The following FCHO2 variants were observed in gnomAD, a reference collection of about 807,000 sequenced individuals.
FCHO2 encodes the protein F-BAR domain only protein 2.
A neutral mutation model predicts 114.1 loss-of-function variants in FCHO2; 43 were observed. The ratio of observed to expected loss-of-function variants is 0.38; its 90% CI spans 0.30 to 0.49. The LOEUF is 0.49. Ranked by LOEUF, FCHO2 falls within the 20% of genes least tolerant of loss-of-function variation. The pLI is 0.97. For synonymous variants in FCHO2, 293 were observed against 315.2 expected, an observed-to-expected ratio of 0.93 and a Z score of 0.75; for missense variants, 807 against 950.4, an observed-to-expected ratio of 0.85 and a Z score of 1.98.
intron 1 of FCHO2, among the ~76,000 whole-genome samples, chr5:72,957,731 T>C (rs1379089083): frequency 6.6e-6 from 1 of 152,246 alleles, no homozygotes; most frequent in East Asian, 1.9e-4. Context: ...ATCGTAGCTC[T>C]ATGTTTAACA....
At chr5:73,026,530 A>T (rs778589412) in intron 8 of FCHO2, among the ~76,000 whole-genome samples, 14 of 152,132 alleles carry the variant, frequency 9.2e-5, no homozygotes, top group Admixed American at 2.0e-4. Context: ...AAATGACACC[A>T]ATTTTATTTT....
intron 11 of FCHO2, among the ~76,000 whole-genome samples, chr5:73,047,226 C>T (rs1192439032): frequency 6.6e-6 from 1 of 152,064 alleles, no homozygotes; most frequent in African/African-American, 2.4e-5. Flanking sequence ...TAAATATATT[C>T]TGGCCCTTTG....
chr5:73,014,429 C>T (rs1308013777), intron 6 of FCHO2, among the ~76,000 whole-genome samples: 1 of 151,588 alleles, frequency 6.6e-6, no homozygotes, highest in Non-Finnish European at 1.5e-5. Context: ...GCTGGGATTA[C>T]AGGCACGCGC....
chr5:73,061,912 T>C (rs1197382101), intron 17 of FCHO2, among the ~76,000 whole-genome samples: 1 of 152,128 alleles, frequency 6.6e-6, no homozygotes, highest in Non-Finnish European at 1.5e-5. Context: ...GTGCTGCTGC[T>C]ATTTCTTCTA....
At chr5:72,970,123 A>G (rs1000808324) in intron 2 of FCHO2, among the ~76,000 whole-genome samples, 3 of 152,160 alleles carry the variant, frequency 2.0e-5, no homozygotes, top group East Asian at 1.9e-4. Context: ...AATATAGTAC[A>G]GATCAGTTGT....
chr5:73,037,306 G>A, intron 10 of FCHO2, 91 bp downstream of exon 10: 1 of 919,516 alleles, frequency 1.1e-6, no homozygotes, highest in Non-Finnish European at 1.5e-6. Flanking sequence ...AAGTATTTTG[G>A]AAATAACTCA....
At chr5:73,011,532 C>CAT (rs1755013196) in intron 6 of FCHO2, among the ~76,000 whole-genome samples, 1 of 152,076 alleles carries the variant, frequency 6.6e-6, no homozygotes. Context: ...CATGTGCCTA[C>CAT]ATAGGCTTAG....
intron 5 of FCHO2, among the ~76,000 whole-genome samples, chr5:72,991,782 T>C (rs945336227): frequency 4.1e-4 from 62 of 152,336 alleles, no homozygotes; most frequent in Non-Finnish European, 8.4e-4. Flanking sequence ...ATTGTACCAA[T>C]TGTATGATTA....
chr5:73,000,395 G>A (rs998774443), intron 5 of FCHO2, among the ~76,000 whole-genome samples: 11 of 143,214 alleles, frequency 7.7e-5, no homozygotes, highest in East Asian at 2.1e-4. Context: ...CTCTTGAACC[G>A]GGGAGGTGGA....
chr5:73,057,176 T>A (rs1374125560), intron 16 of FCHO2, among the ~76,000 whole-genome samples: 1 of 152,016 alleles, frequency 6.6e-6, no homozygotes, highest in Non-Finnish European at 1.5e-5. Context: ...CTCAGACTCC[T>A]GAGCCTCTCA....
At chr5:72,983,196 G>A (rs1238159969) in intron 2 of FCHO2, among the ~76,000 whole-genome samples, 6 of 152,058 alleles carry the variant, frequency 3.9e-5, no homozygotes, top group Non-Finnish European at 8.8e-5. Context: ...TTACAGGTGT[G>A]AGCCACCATG....
At chr5:72,985,835 G>A (rs1463938973) in intron 2 of FCHO2, among the ~76,000 whole-genome samples, 3 of 152,140 alleles carry the variant, frequency 2.0e-5, no homozygotes, top group Admixed American at 1.3e-4. Context: ...ACTAGAACCA[G>A]ATGTAATTGT....
At chr5:73,018,012 A>G (rs1287950078) in intron 8 of FCHO2, among the ~76,000 whole-genome samples, 2 of 151,982 alleles carry the variant, frequency 1.3e-5, no homozygotes, top group Non-Finnish European at 2.9e-5. Context: ...TAATCTATTT[A>G]TTAGTTACTA....
intron 16 of FCHO2, among the ~76,000 whole-genome samples, chr5:73,057,232 A>C (rs537337935): frequency 6.6e-6 from 1 of 152,232 alleles, no homozygotes; most frequent in South Asian, 2.1e-4. Context: ...GGCCAGAGTT[A>C]ATGTAAAATA....
intron 18 of FCHO2, among the ~76,000 whole-genome samples, chr5:73,064,476 C>T (rs1384152043): frequency 6.6e-6 from 1 of 152,024 alleles, no homozygotes; most frequent in South Asian, 2.1e-4. Context: ...GTGAGGCTCT[C>T]CCAGTCTATT....
chr5:73,089,942 T>C lies in FCHO2; in HGVS notation c.*1852T>C, dbSNP rs1217270075. 1 of 152,596 alleles carries C rather than the reference T, an allele frequency of 6.6e-6. No homozygotes were observed. Among genetic ancestry groups the C allele is most frequent in the Non-Finnish European group, 1.5e-5 (1 of 67,968 alleles). The allele number at this position is 152,596 out of a possible 1,614,324, so 9.5% of individuals were successfully genotyped here. A position where few individuals can be genotyped will look rare whatever the true frequency, so the allele number is the denominator to read the frequency against. On this transcript the variant is annotated 3_prime_UTR_variant, in exon 26 of 26. Transcript: ENST00000430046. ...GAGCTAAATTAGAATTTCTAACTCT[T>C]ATATTGTGCTCTTTTAAATGCCAAT...
At chr5:73,087,935 C>T in intron 25 of FCHO2, 133 bp from the exon 26 acceptor site, 1 of 1,394,122 alleles carries the variant, frequency 7.2e-7, no homozygotes, top group South Asian at 1.2e-5. Context: ...TATAGCTGAA[C>T]ACCTGTTATC....
chr5:72,964,439 G>T (rs1396214587), intron 1 of FCHO2, among the ~76,000 whole-genome samples: 1 of 152,130 alleles, frequency 6.6e-6, no homozygotes, highest in Non-Finnish European at 1.5e-5. Flanking sequence ...AGGCTGGAGT[G>T]CAGTGGCATG....
chr5:73,011,318 A>G (rs1221823114), intron 6 of FCHO2, among the ~76,000 whole-genome samples: 4 of 152,124 alleles, frequency 2.6e-5, no homozygotes. Context: ...GCTTATTGTA[A>G]CTTCTTTAGA....
Sources: allele counts gnomAD v4.1 joint callset (sites outside exome capture counted in the v4.1 genomes callset), GRCh38; gene constraint gnomAD v4.1.1; transcripts MANE v1.5; gene names NCBI Gene and HGNC (gene_info 2026-07-23, HGNC 2026-07-21).